The following NCAM2 variants were observed in gnomAD, a reference collection of about 807,000 sequenced individuals.
NCAM2 encodes the protein neural cell adhesion molecule 2, also known as N-CAM-2.
Under a neutral mutation model 98.1 loss-of-function variants are expected in NCAM2, and 30 were observed. The observed-to-expected ratio is 0.31, with a 90% CI of 0.23 to 0.41. NCAM2 has a LOEUF of 0.41. NCAM2 is among the 10% of genes least tolerant of loss of function. The probability of loss-of-function intolerance (pLI) is 1.00; values close to 1 mark genes in which losing one functional copy is unlikely to be tolerated. For synonymous variants in NCAM2, 368 were observed against 342.4 expected (o/e 1.07, Z -0.83); for missense variants, 867 against 1,005.8 (o/e 0.86, Z 1.87).
chr21:21,026,078 A>G (rs4816840), intron 1 of NCAM2, among the ~76,000 whole-genome samples: 1 of 152,076 alleles, frequency 6.6e-6, no homozygotes, highest in Non-Finnish European at 1.5e-5. Flanking sequence ...GAGTGCTGAG[A>G]ACTTGGGAAG....
At chr21:21,011,060 A>G (rs2064200729) in intron 1 of NCAM2, among the ~76,000 whole-genome samples, 1 of 152,118 alleles carries the variant, frequency 6.6e-6, no homozygotes, top group Non-Finnish European at 1.5e-5. Context: ...GAATGATTAT[A>G]GGCAGCCTTG....
chr21:21,108,099 C>T lies in NCAM2; in HGVS notation c.55+109481C>T, dbSNP rs142785254. On this transcript the variant is annotated intron_variant, in intron 1 of 17. Coordinates refer to ENST00000400546, the MANE Select transcript of NCAM2 (RefSeq NM_004540.5). ...AACATGTAATTTAATTCTTTAAATC[C>T]TGTACTTTAATTTTGTTTATAGTTT... Among the ~76,000 whole-genome samples the T allele has an allele frequency of 9.7e-4, 147 of 152,064 alleles. 2 individuals carry two copies. In the East Asian group the frequency reaches 0.02, roughly 21 times the overall value.
intron 8 of NCAM2, among the ~76,000 whole-genome samples, chr21:21,361,833 G>T (rs1473189630): frequency 6.6e-6 from 1 of 151,910 alleles, no homozygotes; most frequent in Non-Finnish European, 1.5e-5. Context: ...GTCTTTTTCT[G>T]TTTAGGAAAA....
chr21:21,537,080 T>C (rs1300448966), intron 17 of NCAM2, among the ~76,000 whole-genome samples: 1 of 152,034 alleles, frequency 6.6e-6, no homozygotes, highest in East Asian at 1.9e-4. Context: ...TTTCTGAATT[T>C]TATTTTATTT....
chr21:21,361,255 T>C (rs1342292526), intron 8 of NCAM2, among the ~76,000 whole-genome samples: 4 of 151,704 alleles, frequency 2.6e-5, no homozygotes, highest in African/African-American at 9.7e-5. Flanking sequence ...CACATACACA[T>C]CCTTCATACG....
Position 21,456,467 on chromosome 21 carries a change from G to C in NCAM2, c.1655-10139G>C, listed in dbSNP as rs149055398. Among the ~76,000 whole-genome samples, 6 of 152,158 alleles carry C rather than the reference G, an allele frequency of 3.9e-5. No homozygotes were observed. The East Asian group carries it at 1.2e-3, about 29-fold the overall frequency. ...AGCAATTCATGAGGATAATCAGCAT[G>C]GATTTACATTTTTTTAGTCTAATGA... On this transcript the variant is annotated intron_variant, in intron 12 of 17. Coordinates refer to ENST00000400546, the MANE Select transcript of NCAM2 (RefSeq NM_004540.5).
At chr21:21,295,697 A>G (rs923674520) in intron 5 of NCAM2, among the ~76,000 whole-genome samples, 1 of 151,862 alleles carries the variant, frequency 6.6e-6, no homozygotes, top group East Asian at 1.9e-4. Context: ...GGAGGAGCAG[A>G]TTACAGTTGA....
intron 5 of NCAM2, among the ~76,000 whole-genome samples, chr21:21,298,563 A>G (rs1228153205): frequency 6.6e-6 from 1 of 150,792 alleles, no homozygotes; most frequent in African/African-American, 2.4e-5. Flanking sequence ...TTTTTAGTTT[A>G]TATAAACTAG....
intron 1 of NCAM2, among the ~76,000 whole-genome samples, chr21:21,158,598 C>T (rs112633462): frequency 1.8e-4 from 20 of 113,654 alleles, no homozygotes; most frequent in Middle Eastern, 4.7e-3. Flanking sequence ...AGTGAGACAC[C>T]GTCCCCGCCC....
chr21:21,403,268 C>T (rs548372637), intron 9 of NCAM2, among the ~76,000 whole-genome samples: 1 of 152,226 alleles, frequency 6.6e-6, no homozygotes, highest in African/African-American at 2.4e-5. Context: ...AGTTAATGTT[C>T]TTCTGGGAAT....
intron 1 of NCAM2, among the ~76,000 whole-genome samples, chr21:21,110,017 A>G (rs9978358): frequency 0.16 from 24,454 of 152,162 alleles, 2,751 homozygotes; most frequent in African/African-American, 0.32. Context: ...AAGCCGTTGT[A>G]GGGGGAGTTC....
chr21:21,120,221 AC>A (rs1482678001), intron 1 of NCAM2, among the ~76,000 whole-genome samples: 1 of 152,192 alleles, frequency 6.6e-6, no homozygotes, highest in African/African-American at 2.4e-5. Context: ...GTTGGAATTA[AC>A]AGCTTTATTA....
intron 9 of NCAM2, among the ~76,000 whole-genome samples, chr21:21,406,426 G>T (rs1400492822): frequency 6.6e-6 from 1 of 152,132 alleles, no homozygotes; most frequent in East Asian, 1.9e-4. Context: ...AAGGGTGCGG[G>T]AACTCTTATA....
intron 1 of NCAM2, among the ~76,000 whole-genome samples, chr21:21,141,082 A>AC (rs1334584524): frequency 2.6e-5 from 4 of 152,200 alleles, no homozygotes; most frequent in Non-Finnish European, 5.9e-5. Context: ...CCAGCATTGT[A>AC]CATTTTTGTA....
At chr21:21,203,200 A>T (rs556542857) in intron 1 of NCAM2, among the ~76,000 whole-genome samples, 1 of 152,206 alleles carries the variant, frequency 6.6e-6, no homozygotes, top group East Asian at 1.9e-4. Context: ...AATATGAAGG[A>T]CTCCCGTGTA....
intron 8 of NCAM2, among the ~76,000 whole-genome samples, chr21:21,346,208 C>CAAAAAAAAAAA (rs57663409): frequency 2.7e-5 from 3 of 112,528 alleles, no homozygotes; most frequent in Non-Finnish European, 4.0e-5. Flanking sequence ...CAACTGAAAC[C>CAAAAAAAAAAA]AAAAAAAAAA....
chr21:21,235,037 A>G (rs2070764423), intron 1 of NCAM2, among the ~76,000 whole-genome samples: 2 of 152,024 alleles, frequency 1.3e-5, no homozygotes, highest in South Asian at 4.1e-4. Flanking sequence ...TTTTGAAGTT[A>G]TTTCCATATG....
intron 1 of NCAM2, among the ~76,000 whole-genome samples, chr21:21,227,889 T>C (rs574534794): frequency 2.6e-5 from 4 of 151,814 alleles, no homozygotes; most frequent in Non-Finnish European, 5.9e-5. Context: ...ATATAAGTGA[T>C]CTTTTATGAT....
At chr21:21,070,465 T>TA (rs2065538729) in intron 1 of NCAM2, among the ~76,000 whole-genome samples, 1 of 152,030 alleles carries the variant, frequency 6.6e-6, no homozygotes, top group Admixed American at 6.5e-5. Flanking sequence ...TCAGCAGTGA[T>TA]AAAAGGGTAG....
Sources: allele counts gnomAD v4.1 joint callset (sites outside exome capture counted in the v4.1 genomes callset), GRCh38; gene constraint gnomAD v4.1.1; transcripts MANE v1.5; gene names NCBI Gene and HGNC (gene_info 2026-07-23, HGNC 2026-07-21).